Variants in CCNT2 observed in about 807,000 individuals in gnomAD.
The protein encoded by CCNT2 is cyclin T2, also known as cyclin-T2.
In CCNT2, 18 loss-of-function variants were observed where a neutral mutation model predicts 70.0. That is an observed-to-expected ratio of 0.26 (90% confidence interval 0.18 to 0.38). The LOEUF is 0.38. Ranked by LOEUF, CCNT2 falls within the 10% of genes least tolerant of loss-of-function variation. The pLI is 1.00. For synonymous variants in CCNT2, 334 were observed against 313.3 expected, an observed-to-expected ratio of 1.07 and a Z score of -0.70; for missense variants, 734 against 890.2, an observed-to-expected ratio of 0.82 and a Z score of 2.23.
At chr2:134,951,705 A>T (rs1382370202) in intron 7 of CCNT2, among the ~76,000 whole-genome samples, 2 of 152,184 alleles carry the variant, frequency 1.3e-5, no homozygotes, top group African/African-American at 4.8e-5. Context: ...AAAGAAAGAA[A>T]TGCAAAATAT....
intron 3 of CCNT2, among the ~76,000 whole-genome samples, chr2:134,937,474 T>G (rs966868731): frequency 3.3e-5 from 5 of 152,216 alleles, no homozygotes; most frequent in Non-Finnish European, 5.9e-5. Flanking sequence ...GCAGCATTTT[T>G]TTAGTATTTT....
intron 2 of CCNT2, among the ~76,000 whole-genome samples, chr2:134,928,270 A>ATTTTTTTTTTTTTTTTTTTT (rs1680442850): frequency 5.1e-5 from 4 of 77,988 alleles, no homozygotes; most frequent in East Asian, 6.9e-4. Context: ...CTCACATTGT[A>ATTTTTTTTTTTTTTTTTTTT]TTTCTTTTTT....
intron 2 of CCNT2, among the ~76,000 whole-genome samples, chr2:134,925,099 C>G (rs1403805755): frequency 6.6e-6 from 1 of 152,138 alleles, no homozygotes; most frequent in African/African-American, 2.4e-5. Flanking sequence ...TGTTAATGTT[C>G]TTTGGTCAGA....
chr2:134,945,794 C>G, intron 5 of CCNT2: 1 of 1,376,302 alleles, frequency 7.3e-7, no homozygotes, highest in Non-Finnish European at 9.6e-7. Flanking sequence ...CAGGAGAATG[C>G]TTTATTGCAA....
At chr2:134,936,702 C>A in intron 2 of CCNT2, 139 bp from the exon 3 acceptor site, 1 of 579,696 alleles carries the variant, frequency 1.7e-6, no homozygotes, top group Non-Finnish European at 2.9e-6. Flanking sequence ...TTCAGTGAGC[C>A]GAGATCACAC....
chr2:134,949,000 C>T (rs941439617), intron 7 of CCNT2, among the ~76,000 whole-genome samples: 4 of 151,964 alleles, frequency 2.6e-5, no homozygotes, highest in Admixed American at 2.6e-4. Flanking sequence ...CAGGCTTGAG[C>T]CACTGTGCCT....
chr2:134,931,917 G>A (rs1424998763), intron 2 of CCNT2, among the ~76,000 whole-genome samples: 1 of 152,056 alleles, frequency 6.6e-6, no homozygotes, highest in African/African-American at 2.4e-5. Context: ...GTTAGGAGCT[G>A]TGTCTATATA....
chr2:134,937,303 A>G (rs1477210866), intron 3 of CCNT2, among the ~76,000 whole-genome samples: 1 of 152,244 alleles, frequency 6.6e-6, no homozygotes, highest in African/African-American at 2.4e-5. Flanking sequence ...TGAGACCAGA[A>G]TATAAATAAC....
chr2:134,919,803 G>A lies in CCNT2; in HGVS notation c.159-7G>A, dbSNP rs1410167012. 5 of 1,597,392 alleles carry A rather than the reference G, an allele frequency of 3.1e-6. No individual in the cohort carries two copies. Among genetic ancestry groups the A allele is most frequent in the Non-Finnish European group, 4.3e-6 (5 of 1,169,094 alleles). The stretch of plus-strand genomic sequence containing the variant: ...TTGTCAGATATTTCCTAAATATTAC[G>A]TTCCAGCTCTCAGCTTACAATAAAC... On this transcript the variant is annotated splice_region_variant and splice_polypyrimidine_tract_variant and intron_variant, in intron 1 of 8. Transcript: ENST00000264157.
At chr2:134,946,416 A>T in intron 6 of CCNT2, 2 of 1,209,450 alleles carry the variant, frequency 1.7e-6, no homozygotes. Flanking sequence ...CCTGAATAGC[A>T]GCTAAAGATT....
chr2:134,943,444 T>A, intron 5 of CCNT2: 1 of 985,308 alleles, frequency 1.0e-6, no homozygotes, highest in South Asian at 4.7e-5. Context: ...TTTGCCCATA[T>A]TCATTTGGGC....
chr2:134,938,638 GGTTTGAGTTGGAT>G (rs1384809507), intron 3 of CCNT2, among the ~76,000 whole-genome samples: 1 of 152,158 alleles, frequency 6.6e-6, no homozygotes, highest in African/African-American at 2.4e-5. Context: ...GTTAAAGGCA[GGTTTGAGTTGGAT>G]GTTTTTAATT....
intron 4 of CCNT2, among the ~76,000 whole-genome samples, chr2:134,941,664 A>G (rs1681593048): frequency 6.6e-6 from 1 of 152,240 alleles, no homozygotes; most frequent in Admixed American, 6.5e-5. Context: ...ATACAAAATT[A>G]TATAAATTTC....
rs45553735 is a variant in CCNT2 at position 134,945,597 on chromosome 2, G to A, written c.494-504G>A. 2.8e-3 allele frequency: 2,796 copies of A among 985,344 alleles called. 45 individuals carry two copies. The African/African-American group carries it at 0.038, about 14-fold the overall frequency. 61.0% of individuals were successfully genotyped at this position (985,344 alleles called of 1,614,324 possible). ...GTTTATTCTCTGTTGATGCTTAATA[G>A]CATGATGAAAAACTGAGCAGTTTGT... is the stretch of plus-strand genomic sequence containing the variant. On this transcript the variant is annotated intron_variant, in intron 5 of 8. Coordinates refer to ENST00000264157, the MANE Select transcript of CCNT2 (RefSeq NM_058241.3).
intron 3 of CCNT2, 134 bp downstream of exon 3, chr2:134,937,103 A>C (rs534068880): frequency 2.0e-5 from 11 of 544,782 alleles, no homozygotes; most frequent in Non-Finnish European, 3.5e-5. Flanking sequence ...TTAGGAATGC[A>C]ATGCCAGGAA....
chr2:134,930,915 G>A (rs914175177), intron 2 of CCNT2, among the ~76,000 whole-genome samples: 1 of 150,844 alleles, frequency 6.6e-6, no homozygotes, highest in African/African-American at 2.4e-5. Flanking sequence ...CTTACATTTA[G>A]GTCTGTGATT....
At chr2:134,950,368 C>T (rs1218337883) in intron 7 of CCNT2, among the ~76,000 whole-genome samples, 2 of 152,078 alleles carry the variant, frequency 1.3e-5, no homozygotes, top group East Asian at 1.9e-4. Context: ...CACAAAAAGG[C>T]AATTCAAAAT....
chr2:134,950,155 A>G (rs1467364422), intron 7 of CCNT2, among the ~76,000 whole-genome samples: 1 of 152,152 alleles, frequency 6.6e-6, no homozygotes, highest in Non-Finnish European at 1.5e-5. Flanking sequence ...GATCACAGAA[A>G]AGTAATCTGC....
rs781377317 is a variant in CCNT2, at chr2:134,954,604, G to A, written c.2149G>A (p.Asp717Asn). Residue 717 changes from aspartate to asparagine, a missense_variant, in exon 9 of 9, where the codon GAC (aspartate) becomes AAC (asparagine). Asp to Asn is a conservative substitution (Grantham distance 23). Coordinates refer to ENST00000264157, the MANE Select transcript of CCNT2 (RefSeq NM_058241.3). ...SQHMDYKDTF[D>N]MLDSLLSAQG... ...GCATATGGACTACAAAGACACATTC[G>A]ACATGCTGGACTCACTGTTAAGTGC... 1.1e-5 allele frequency: 17 copies of A among 1,613,234 alleles called. No individual in the cohort carries two copies. The highest frequency in any genetic ancestry group is 2.7e-5 in the African/African-American group (2 of 74,896).
Sources: allele counts gnomAD v4.1 joint callset (sites outside exome capture counted in the v4.1 genomes callset), GRCh38; gene constraint gnomAD v4.1.1; transcripts MANE v1.5; gene names NCBI Gene and HGNC (gene_info 2026-07-23, HGNC 2026-07-21).